Variants in GJA8 observed in about 807,000 individuals in gnomAD.
GJA8 encodes gap junction alpha-8 protein.
A neutral mutation model predicts 15.3 loss-of-function variants in GJA8; 13 were observed. The observed-to-expected ratio is 0.85, with a 90% confidence interval of 0.55 to 1.35. The LOEUF (loss-of-function observed/expected upper bound fraction) is 1.35. Among genes scored for constraint, GJA8 ranks in the 40% most tolerant of loss-of-function variants. GJA8 has a pLI of 0.00. For synonymous variants in GJA8, 304 were observed against 238.7 expected, an observed-to-expected ratio of 1.27 and a Z score of -2.52; for missense variants, 607 against 553.3, an observed-to-expected ratio of 1.10 and a Z score of -0.97.
intron 1 of GJA8, among the ~76,000 whole-genome samples, chr1:147,905,867 CTG>C (rs1651777861): frequency 6.6e-6 from 1 of 152,232 alleles, no homozygotes; most frequent in Non-Finnish European, 1.5e-5. Context: ...AGACCCATGA[CTG>C]GGGATGCCAC....
chr1:147,912,840 G>A (rs969217600), downstream of GJA8, among the ~76,000 whole-genome samples: 5 of 149,860 alleles, frequency 3.3e-5, no homozygotes, highest in Admixed American at 6.7e-5. Context: ...AAAGTTCAGT[G>A]AGAAAGTTTT....
chr1:147,906,434 A>G (rs1651799995), intron 1 of GJA8, among the ~76,000 whole-genome samples: 2 of 152,238 alleles, frequency 1.3e-5, no homozygotes, highest in African/African-American at 4.8e-5. Flanking sequence ...GCTGTGCTAC[A>G]GGCATTATAT....
At chr1:147,903,269 G>T (rs1651673446) in intron 1 of GJA8, among the ~76,000 whole-genome samples, 1 of 152,166 alleles carries the variant, frequency 6.6e-6, no homozygotes, top group South Asian at 2.1e-4. Context: ...ATGCTGTGGG[G>T]GTAGCGGAGG....
intron 1 of GJA8, among the ~76,000 whole-genome samples, chr1:147,906,300 CA>C (rs1461066498): frequency 2.0e-5 from 3 of 152,316 alleles, no homozygotes; most frequent in African/African-American, 7.2e-5. Flanking sequence ...GCTGCAGGAA[CA>C]ACTGTTCTCC....
Position 147,908,744 on chromosome 1 carries a change from C to T in GJA8, c.789C>T (p.Ala263=), listed in dbSNP as rs1553242824. ...HSIAVSSIQK[A]KGYQLLEEEK... ...TTGCTGTCTCCTCCATCCAGAAAGC[C>T]AAGGGCTATCAGCTCCTAGAAGAAG... Residue 263 remains alanine, a synonymous_variant, in exon 2 of 2, where the codon GCC becomes GCT. Transcript: ENST00000369235. 3 of 1,613,984 alleles carry T rather than the reference C, an allele frequency of 1.9e-6. No individual in the cohort carries two copies. Among genetic ancestry groups the T allele is most frequent in the South Asian group, 2.2e-5 (2 of 91,084 alleles).
chr1:147,903,745 C>A (rs185446936), intron 1 of GJA8, among the ~76,000 whole-genome samples: 2 of 152,094 alleles, frequency 1.3e-5, no homozygotes, highest in Non-Finnish European at 2.9e-5. Flanking sequence ...GTTTCCACAA[C>A]CTGTGACCAA....
intron 1 of GJA8, among the ~76,000 whole-genome samples, chr1:147,905,968 T>A (rs1407670412): frequency 6.6e-6 from 1 of 152,220 alleles, no homozygotes; most frequent in African/African-American, 2.4e-5. Flanking sequence ...GGAGGAGCAC[T>A]CTCTGCTCTC....
At position 147,909,135 on chromosome 1, in the gene GJA8, CA is replaced by C; in HGVS notation, c.1182del (p.Leu396CysfsTer13). On this transcript the variant is annotated frameshift_variant, in exon 2 of 2. Coordinates refer to ENST00000369235, the MANE Select transcript of GJA8 (RefSeq NM_005267.5). LOFTEE classifies it high-confidence loss of function. ...EEPQSEKVSK[Q>X]GLPAEKTPSL... The stretch of plus-strand genomic sequence containing the variant: ...GCCGCAGTCGGAGAAGGTGTCAAAG[CA>C]AGGGCTGCCAGCTGAGAAGACACCT... The C allele has an allele frequency of 6.2e-7, 1 of 1,614,000 alleles. No homozygotes were observed.
chr1:147,913,115 G>C (rs1377211421), downstream of GJA8, among the ~76,000 whole-genome samples: 1 of 152,056 alleles, frequency 6.6e-6, no homozygotes, highest in Admixed American at 6.5e-5. Flanking sequence ...CCACTTACCT[G>C]CTCTATGAGA....
At position 147,902,842 on chromosome 1, in the gene GJA8, G is replaced by A. The variant is rs917136414; in HGVS notation, c.-31G>A. On this transcript the variant is annotated 5_prime_UTR_variant, in exon 1 of 2. It adds an upstream start codon to the 5' untranslated region. Coordinates refer to ENST00000369235, the MANE Select transcript of GJA8 (RefSeq NM_005267.5). ...AGAGAGAAAGAGCACATATTTCTCC[G>A]TGGGACACTCCTTGTATTGGCAAGT... Among the ~76,000 whole-genome samples, 5 of 152,176 alleles carry A rather than the reference G, an allele frequency of 3.3e-5. No individual in the cohort carries two copies. Among genetic ancestry groups the A allele is most frequent in the Non-Finnish European group, 5.9e-5 (4 of 68,024 alleles).
At position 147,909,208 on chromosome 1, in the gene GJA8, G is replaced by A; in HGVS notation, c.1253G>A (p.Arg418Lys). Residue 418 changes from arginine to lysine, a missense_variant, in exon 2 of 2, where the codon AGG (arginine) becomes AAG (lysine). Coordinates refer to ENST00000369235, the MANE Select transcript of GJA8 (RefSeq NM_005267.5). ...LTTDDARPLS[R>K]LSKASSRARS... The stretch of plus-strand genomic sequence containing the variant: ...ACAGATGATGCCAGACCCCTGAGCA[G>A]GCTAAGCAAAGCCAGCAGCCGAGCC... The A allele has an allele frequency of 6.2e-7, 1 of 1,612,736 alleles. No homozygotes were observed.
chr1:147,905,862 C>T (rs1553242234), intron 1 of GJA8, among the ~76,000 whole-genome samples: 2 of 152,250 alleles, frequency 1.3e-5, no homozygotes, highest in East Asian at 3.9e-4. Flanking sequence ...ATGCCAGACC[C>T]ATGACTGGGG....
At position 147,908,985 on chromosome 1, in the gene GJA8, C is replaced by G. The variant is rs11485706; in HGVS notation, c.1030C>G (p.Pro344Ala). The G allele has an allele frequency of 5.3e-5, 84 of 1,596,516 alleles. No homozygotes were observed. In the African/African-American group the frequency reaches 1.1e-3, roughly 20 times the overall value. The change falls in exon 2 of 2, where the codon CCC becomes GCC. Residue 344 changes from proline to alanine, a missense_variant. Physicochemically the swap from Pro to Ala is conservative, Grantham distance 27 (BLOSUM62 -1). Coordinates refer to ENST00000369235, the MANE Select transcript of GJA8 (RefSeq NM_005267.5). ...GCCGCCTGCAGAGGAGGGAGCCGAACCCGAGGTGGGAGAGAAGAAGGAGGA... is the reference window on the plus strand; with the variant it reads ...GCCGCCTGCAGAGGAGGGAGCCGAAGCCGAGGTGGGAGAGAAGAAGGAGGA... ...EGPPAEEGAE[P>A]EVGEKKEEAE...
At chr1:147,912,724 C>T (rs1183493796), downstream of GJA8, among the ~76,000 whole-genome samples, 7 of 152,030 alleles carry the variant, frequency 4.6e-5, no homozygotes, top group African/African-American at 1.7e-4. Flanking sequence ...CATTAGACAG[C>T]GGGACATCAG....
At position 147,908,649 on chromosome 1, in the gene GJA8, A is replaced by G. The variant is rs782718716; in HGVS notation, c.694A>G (p.Ile232Val). The G allele has an allele frequency of 6.2e-7, 1 of 1,614,014 alleles. No homozygotes were observed. The highest frequency in any genetic ancestry group is 8.5e-7 in the Non-Finnish European group (1 of 1,180,000). Residue 232 changes from isoleucine (I) to valine (V), a missense_variant, in exon 2 of 2, where the codon ATC becomes GTC. Ile to Val is a conservative substitution (Grantham distance 29, BLOSUM62 3). Transcript: ENST00000369235. Reference sequence around the variant, plus strand: ...GTTGGGCCACCTGGGCCTGAAGGGGATCCGGTCTGCCTTGAAGAGGCCTGT... The same window carrying G: ...GTTGGGCCACCTGGGCCTGAAGGGGGTCCGGTCTGCCTTGAAGAGGCCTGT... ...MELGHLGLKG[I>V]RSALKRPVEQ...
In GJA8 at chr1:147,908,167, C is replaced by T. The variant is rs781836374; in HGVS notation, c.212C>T (p.Pro71Leu). The T allele has an allele frequency of 1.2e-6, 2 of 1,614,240 alleles. No homozygotes were observed. Among genetic ancestry groups the T allele is most frequent in the Non-Finnish European group, 1.7e-6 (2 of 1,180,042 alleles). ...CENVCYDEAF[P>L]ISHIRLWVLQ... ...AACGTCTGCTACGACGAGGCCTTTCCCATCTCCCACATTCGCCTCTGGGTG... is the reference window on the plus strand; with the variant it reads ...AACGTCTGCTACGACGAGGCCTTTCTCATCTCCCACATTCGCCTCTGGGTG... Residue 71 changes from proline (P) to leucine (L), a missense_variant, in exon 2 of 2, where the codon CCC becomes CTC. By Grantham distance (98) the Pro-to-Leu change is moderately conservative (BLOSUM62 -3). Coordinates refer to ENST00000369235, the MANE Select transcript of GJA8 (RefSeq NM_005267.5).
At chr1:147,909,296 C>T (rs782659121), downstream of GJA8, 26 of 1,376,104 alleles carry the variant, frequency 1.9e-5, no homozygotes, top group East Asian at 6.9e-5. Flanking sequence ...CCCAAGCTTA[C>T]GTAGGGCAAG....
At position 147,909,120 on chromosome 1, in the gene GJA8, G is replaced by C; in HGVS notation, c.1165G>C (p.Glu389Gln). ...GGGTGAAAAAGAAGAGCCGCAGTCG[G>C]AGAAGGTGTCAAAGCAAGGGCTGCC... The part of the protein sequence containing the change: ...KEGEKEEPQS[E>Q]KVSKQGLPAE... The change falls in exon 2 of 2, where the codon GAG becomes CAG. Residue 389 changes from glutamate (E) to glutamine (Q), a missense_variant. Coordinates refer to ENST00000369235, the MANE Select transcript of GJA8 (RefSeq NM_005267.5). 3 of 1,614,004 alleles carry C rather than the reference G, an allele frequency of 1.9e-6. No homozygotes were observed. Among genetic ancestry groups the C allele is most frequent in the Non-Finnish European group, 2.5e-6 (3 of 1,179,950 alleles).
chr1:147,912,248 G>A (rs1488793044), downstream of GJA8, among the ~76,000 whole-genome samples: 1 of 152,186 alleles, frequency 6.6e-6, no homozygotes, highest in South Asian at 2.1e-4. Flanking sequence ...ACAGCAGTAA[G>A]ACTGGGAAGA....
Sources: gnomAD v4.1 joint callset for allele counts (sites outside exome capture counted in the v4.1 genomes callset) on GRCh38, gnomAD v4.1.1 for gene constraint, MANE v1.5 for transcripts, NCBI Gene and HGNC (gene_info 2026-07-23, HGNC 2026-07-21) for gene names.